The following NT5DC1 variants were observed in gnomAD, a reference collection of about 807,000 sequenced individuals.
NT5DC1 encodes the protein 5'-nucleotidase domain containing 1, also known as 5'-nucleotidase domain-containing protein 1.
In NT5DC1, 42 loss-of-function variants were observed where a neutral mutation model predicts 59.4. The ratio of observed to expected loss-of-function variants is 0.71; its 90% CI spans 0.55 to 0.92. The LOEUF (loss-of-function observed/expected upper bound fraction) is 0.92, where lower values mean the gene tolerates loss of function less well. NT5DC1 is among the 40% of genes least tolerant of loss of function. The probability of loss-of-function intolerance (pLI) is 0.00; values close to 1 mark genes in which losing one functional copy is unlikely to be tolerated. For synonymous variants in NT5DC1, 172 were observed against 188.1 expected, an observed-to-expected ratio of 0.91 and a Z score of 0.70; for missense variants, 501 against 537.1, an observed-to-expected ratio of 0.93 and a Z score of 0.66.
At chr6:116,167,206 ATTT>A (rs61348980) in intron 6 of NT5DC1, among the ~76,000 whole-genome samples, 12 of 87,814 alleles carry the variant, frequency 1.4e-4, no homozygotes, top group Middle Eastern at 9.4e-3. Context: ...CAAATAGAAG[ATTT>A]TTTTTTTTTT....
In NT5DC1 at chr6:116,106,473, C is replaced by T; in HGVS notation, c.185+138C>T. 6.7e-6 allele frequency: 4 copies of T among 595,498 alleles called. No individual in the cohort carries two copies. In the Admixed American group the frequency reaches 9.8e-5, roughly 15 times the overall value. The allele number at this position is 595,498 out of a possible 1,614,324, so 36.9% of individuals were successfully genotyped here. A position where few individuals can be genotyped will look rare whatever the true frequency, so the allele number is the denominator to read the frequency against. On this transcript the variant is annotated intron_variant, in intron 2 of 11. Transcript: ENST00000319550. The stretch of plus-strand genomic sequence containing the variant: ...GATTGAGTCAAAGGACAAATGCCTT[C>T]TATATTAAAAGTTTTGTATTTAATG...
intron 6 of NT5DC1, among the ~76,000 whole-genome samples, chr6:116,140,136 A>G (rs990102478): frequency 3.9e-5 from 6 of 152,282 alleles, no homozygotes; most frequent in South Asian, 4.1e-4. Flanking sequence ...ATGGACACCA[A>G]TTTCAAAGGC....
chr6:116,172,731 A>G (rs968655228), intron 6 of NT5DC1, among the ~76,000 whole-genome samples: 6 of 152,218 alleles, frequency 3.9e-5, no homozygotes, highest in African/African-American at 1.4e-4. Context: ...GAGAAATTTT[A>G]AAGTATTTAT....
chr6:116,122,079 G>T, intron 6 of NT5DC1: 3 of 927,668 alleles, frequency 3.2e-6, no homozygotes, highest in Non-Finnish European at 3.5e-6. Context: ...TTTATTCCAT[G>T]TAGACAGAAC....
intron 6 of NT5DC1, among the ~76,000 whole-genome samples, chr6:116,159,704 G>C (rs1253450922): frequency 1.3e-5 from 2 of 151,994 alleles, no homozygotes; most frequent in Admixed American, 1.3e-4. Context: ...TGTGAGTTTT[G>C]GGTTTCTAGT....
At chr6:116,103,363 G>C (rs995387244) in intron 1 of NT5DC1, among the ~76,000 whole-genome samples, 1 of 151,820 alleles carries the variant, frequency 6.6e-6, no homozygotes, top group Non-Finnish European at 1.5e-5. Flanking sequence ...ACTGTTAAGA[G>C]AGCATCAAGC....
chr6:116,106,141 C>G (rs1292619907), intron 1 of NT5DC1, 103 bp from the exon 2 acceptor site: 1 of 743,724 alleles, frequency 1.3e-6, no homozygotes, highest in Non-Finnish European at 2.5e-6. Flanking sequence ...TTCCTTCCTC[C>G]TACCTGCCCC....
At chr6:116,108,556 T>G in intron 3 of NT5DC1, 121 bp downstream of exon 3, 1 of 664,532 alleles carries the variant, frequency 1.5e-6, no homozygotes, top group South Asian at 1.8e-5. Flanking sequence ...AGATGACAGA[T>G]TGTCTGTCTA....
In NT5DC1 at chr6:116,171,336, G is replaced by A. The variant is rs541375223; in HGVS notation, c.530-49718G>A. ...GCTTTGACTAGAAAAGCATTATTTT[G>A]TGGATTTTGAGACCAGGAATTATAA... On this transcript the variant is annotated intron_variant, in intron 6 of 11. Coordinates refer to ENST00000319550, the MANE Select transcript of NT5DC1 (RefSeq NM_152729.3). Among the ~76,000 whole-genome samples, 4 of 152,154 alleles carry A rather than the reference G, an allele frequency of 2.6e-5. No individual in the cohort carries two copies. The East Asian group carries it at 7.7e-4, about 29-fold the overall frequency.
chr6:116,120,590 G>A (rs1298063802), intron 6 of NT5DC1: 2 of 1,587,592 alleles, frequency 1.3e-6, no homozygotes, highest in East Asian at 2.2e-5. Context: ...AGGCCCAGGG[G>A]GCCCTGGAAG....
At chr6:116,112,903 T>C (rs1778906499) in intron 4 of NT5DC1, among the ~76,000 whole-genome samples, 1 of 152,224 alleles carries the variant, frequency 6.6e-6, no homozygotes, top group African/African-American at 2.4e-5. Flanking sequence ...ATATTAATCC[T>C]CAGAGTTAAG....
chr6:116,215,963 T>C (rs1017361745), intron 6 of NT5DC1, among the ~76,000 whole-genome samples: 1 of 152,194 alleles, frequency 6.6e-6, no homozygotes, highest in Non-Finnish European at 1.5e-5. Flanking sequence ...TATACTCATT[T>C]AAACTGTTCG....
At chr6:116,123,823 G>A (rs1779210293) in intron 6 of NT5DC1, among the ~76,000 whole-genome samples, 1 of 152,200 alleles carries the variant, frequency 6.6e-6, no homozygotes, top group Non-Finnish European at 1.5e-5. Context: ...AAGTAGCCAA[G>A]ATAATGGTGT....
Position 116,116,046 on chromosome 6 carries a change from G to T in NT5DC1, c.444+276G>T, listed in dbSNP as rs560727157. On this transcript the variant is annotated intron_variant, in intron 5 of 11. Coordinates refer to ENST00000319550, the MANE Select transcript of NT5DC1 (RefSeq NM_152729.3). ...AAAAGAAATACAGAACTTGGATCTGGACAAAACATTTTTTTTAGCAAAATA... is the reference window on the plus strand; with the variant it reads ...AAAAGAAATACAGAACTTGGATCTGTACAAAACATTTTTTTTAGCAAAATA... Among the ~76,000 whole-genome samples the T allele has an allele frequency of 3.3e-5, 5 of 151,912 alleles. No homozygotes were observed. In the South Asian group the frequency reaches 1.0e-3, roughly 32 times the overall value.
intron 8 of NT5DC1, among the ~76,000 whole-genome samples, chr6:116,231,772 CAT>C (rs1234628487): frequency 6.6e-6 from 1 of 152,048 alleles, no homozygotes; most frequent in South Asian, 2.1e-4. Context: ...AATAATAGAA[CAT>C]GTGTAAAATA....
intron 8 of NT5DC1, among the ~76,000 whole-genome samples, chr6:116,230,082 T>A (rs1781988818): frequency 6.6e-6 from 1 of 152,230 alleles, no homozygotes; most frequent in South Asian, 2.1e-4. Context: ...TCCAGTGTGC[T>A]ATGCATTAAA....
intron 8 of NT5DC1, among the ~76,000 whole-genome samples, chr6:116,231,728 A>C (rs1782024527): frequency 6.6e-6 from 1 of 152,214 alleles, no homozygotes; most frequent in African/African-American, 2.4e-5. Flanking sequence ...AACAACCCAC[A>C]TGTCTATCTA....
rs773822009 is a variant in NT5DC1 at position 116,115,680 on chromosome 6, T to G, written c.365-11T>G. ...ATGTTGTTCCCAGTTTAAAATTTTG[T>G]TCTTTTTTAGGAAAGTATTACTTTT... On this transcript the variant is annotated splice_polypyrimidine_tract_variant and intron_variant, in intron 4 of 11. Transcript: ENST00000319550. The G allele has an allele frequency of 2.7e-6, 4 of 1,472,028 alleles. No homozygotes were observed. The highest frequency in any genetic ancestry group is 3.8e-6 in the Non-Finnish European group (4 of 1,051,082). 91.2% of individuals were successfully genotyped at this position (1,472,028 alleles called of 1,614,324 possible). A position where few individuals can be genotyped will look rare whatever the true frequency, so the allele number is the denominator to read the frequency against.
chr6:116,229,070 A>G (rs964326139), intron 8 of NT5DC1, among the ~76,000 whole-genome samples: 6 of 152,298 alleles, frequency 3.9e-5, no homozygotes, highest in African/African-American at 1.2e-4. Flanking sequence ...TGTGCTTGCA[A>G]CAGCTCATTA....
Sources: gnomAD v4.1 joint callset for allele counts (sites outside exome capture counted in the v4.1 genomes callset) on GRCh38, gnomAD v4.1.1 for gene constraint, MANE v1.5 for transcripts, NCBI Gene and HGNC (gene_info 2026-07-23, HGNC 2026-07-21) for gene names.